The following MPHOSPH8 variants were observed in gnomAD, a reference collection of about 807,000 sequenced individuals.
MPHOSPH8 encodes the protein M-phase phosphoprotein 8.
In MPHOSPH8, 45 loss-of-function variants were observed where a neutral mutation model predicts 87.3. The ratio of observed to expected loss-of-function variants is 0.52; its 90% CI spans 0.41 to 0.66. MPHOSPH8 has a LOEUF of 0.66. Among genes scored for constraint, MPHOSPH8 ranks in the 30% least tolerant of loss-of-function variants. The probability of loss-of-function intolerance (pLI) is 0.00; values close to 1 mark genes in which losing one functional copy is unlikely to be tolerated. For synonymous variants in MPHOSPH8, 366 were observed against 376.9 expected (o/e 0.97, Z 0.33); for missense variants, 883 against 1,020.2 (o/e 0.87, Z 1.83).
At chr13:19,639,750 T>G (rs1414484377) in intron 1 of MPHOSPH8, among the ~76,000 whole-genome samples, 2 of 152,152 alleles carry the variant, frequency 1.3e-5, no homozygotes, top group African/African-American at 4.8e-5. Flanking sequence ...TTTTAAAAAC[T>G]GAGGTCCCCA....
intron 5 of MPHOSPH8, among the ~76,000 whole-genome samples, chr13:19,657,679 G>T (rs1351189527): frequency 6.6e-6 from 1 of 152,208 alleles, no homozygotes; most frequent in African/African-American, 2.4e-5. Flanking sequence ...CACAATCTGA[G>T]CTGCAGCTCA....
Position 19,668,494 on chromosome 13 carries a change from A to C in MPHOSPH8, c.2292A>C (p.Thr764=), listed in dbSNP as rs775011925. 10 of 1,614,072 alleles carry C rather than the reference A, an allele frequency of 6.2e-6. No homozygotes were observed. Among genetic ancestry groups the C allele is most frequent in the Non-Finnish European group, 6.8e-6 (8 of 1,180,042 alleles). ...TCTGTGAGGGTCCAGATTTTTCAAC[A>C]GATTTCAATTACAAACCCCCACAGA... The part of the protein sequence containing the change: ...HRLCEGPDFS[T]DFNYKPPQNI... Residue 764 remains threonine, a synonymous_variant, in exon 11 of 14, where the codon ACA becomes ACC. Coordinates refer to ENST00000361479, the MANE Select transcript of MPHOSPH8 (RefSeq NM_017520.4).
Position 19,647,045 on chromosome 13 carries a change from C to G in MPHOSPH8, c.972C>G (p.Thr324=). ...LDSAMSAEED[T]DVRGRRKKKT... ...GTGCCATGAGTGCTGAGGAGGATAC[C>G]GATGTCAGAGGCAGGAGGAAAAAGA... The change falls in exon 3 of 14, where the codon ACC becomes ACG. Residue 324 remains threonine, a synonymous_variant. Transcript: ENST00000361479. 6.2e-7 allele frequency: 1 copy of G among 1,606,710 alleles called. No homozygotes were observed. Among genetic ancestry groups the G allele is most frequent in the Non-Finnish European group, 8.5e-7 (1 of 1,178,154 alleles).
intron 12 of MPHOSPH8, 188 bp from the exon 13 acceptor site, chr13:19,671,017 CA>C (rs1160320199): frequency 7.6e-7 from 1 of 1,316,836 alleles, no homozygotes; most frequent in African/African-American, 1.5e-5. Context: ...GATGGGGTTT[CA>C]CCATGTTGGC....
intron 1 of MPHOSPH8, among the ~76,000 whole-genome samples, chr13:19,638,834 G>A (rs1343149993): frequency 6.6e-6 from 1 of 151,972 alleles, no homozygotes; most frequent in African/African-American, 2.4e-5. Flanking sequence ...CAAGTGTTAA[G>A]TGTGTAGCTA....
intron 1 of MPHOSPH8, among the ~76,000 whole-genome samples, chr13:19,641,535 A>G (rs1209518032): frequency 7.7e-6 from 1 of 129,994 alleles, no homozygotes; most frequent in Admixed American, 8.2e-5. Context: ...TTGTTGCTCA[A>G]GCTGGAGTGC....
At position 19,646,698 on chromosome 13, in the gene MPHOSPH8, G is replaced by T. The variant is rs1186987225; in HGVS notation, c.625G>T (p.Glu209Ter). Residue 209 changes from glutamate (E) to a stop codon, truncating the protein, a stop_gained, in exon 3 of 14, where the codon GAA becomes TAA. Transcript: ENST00000361479. LOFTEE classifies it high-confidence loss of function. ...TKKRISEAKE[E>*]LKESKKPKKD... ...GAAAAGAATTTCTGAAGCCAAAGAA[G>T]AACTAAAGGAGTCCAAAAAGCCCAA... is the stretch of plus-strand genomic sequence containing the variant. 1 of 1,591,450 alleles carries T rather than the reference G, an allele frequency of 6.3e-7. No homozygotes were observed. The highest frequency in any genetic ancestry group is 1.9e-5 in the Admixed American group (1 of 53,262).
chr13:19,635,536 T>A (rs796720956), intron 1 of MPHOSPH8, among the ~76,000 whole-genome samples: 10 of 152,012 alleles, frequency 6.6e-5, no homozygotes, highest in Middle Eastern at 3.4e-3. Context: ...TCAAAAAAAA[T>A]AATAATAATT....
At chr13:19,661,893 G>A (rs1229596122) in intron 8 of MPHOSPH8, 55 bp downstream of exon 8, 1 of 1,533,302 alleles carries the variant, frequency 6.5e-7, no homozygotes. Flanking sequence ...CCTGCCGATG[G>A]ACTGAGAGGA....
chr13:19,659,785 T>C, intron 7 of MPHOSPH8: 1 of 290,042 alleles, frequency 3.4e-6, no homozygotes, highest in Non-Finnish European at 7.0e-6. Flanking sequence ...ATGGTTTGGT[T>C]TGGTTATGGT....
intron 5 of MPHOSPH8, among the ~76,000 whole-genome samples, chr13:19,651,109 A>G (rs1020824077): frequency 2.6e-5 from 4 of 152,256 alleles, no homozygotes; most frequent in African/African-American, 4.8e-5. Flanking sequence ...CTGGTTTTCT[A>G]TAAAATAAGC....
chr13:19,659,242 G>A lies in MPHOSPH8; in HGVS notation c.1744G>A (p.Val582Ile), dbSNP rs1205648446. ...TGTGAAAAATGGGGATTATATTACT[G>A]TAAAAGTTGCACTTAATTCAAATGA... ...DAVKNGDYITVKVALNSNEEY... is the reference protein window; with the variant it reads ...DAVKNGDYITIKVALNSNEEY... The change falls in exon 7 of 14, where the codon GTA becomes ATA. Residue 582 changes from valine (V) to isoleucine (I), a missense_variant. Val to Ile is a conservative substitution (Grantham distance 29, BLOSUM62 3). This residue lies in a region of MPHOSPH8 where 741 missense variants were observed against 841.5 expected (regional missense o/e 0.88). Coordinates refer to ENST00000361479, the MANE Select transcript of MPHOSPH8 (RefSeq NM_017520.4). The A allele has an allele frequency of 4.3e-6, 7 of 1,612,352 alleles. No homozygotes were observed. Among genetic ancestry groups the A allele is most frequent in the Non-Finnish European group, 5.9e-6 (7 of 1,179,590 alleles).
At chr13:19,640,304 C>T (rs1874220353) in intron 1 of MPHOSPH8, among the ~76,000 whole-genome samples, 1 of 152,152 alleles carries the variant, frequency 6.6e-6, no homozygotes, top group South Asian at 2.1e-4. Flanking sequence ...AAGATTTAGA[C>T]AGCGCATGGC....
chr13:19,637,420 A>G (rs1874064804), intron 1 of MPHOSPH8, among the ~76,000 whole-genome samples: 1 of 152,036 alleles, frequency 6.6e-6, no homozygotes, highest in South Asian at 2.1e-4. Context: ...TTTTCTGTTT[A>G]TGTACATTTT....
chr13:19,661,970 C>G (rs1875559737), intron 8 of MPHOSPH8, 132 bp downstream of exon 8: 2 of 1,190,000 alleles, frequency 1.7e-6, no homozygotes, highest in Non-Finnish European at 2.2e-6. Context: ...TAGACGGAGT[C>G]TCGCTCTGTC....
chr13:19,641,422 A>C (rs1254131763), intron 1 of MPHOSPH8, among the ~76,000 whole-genome samples: 1 of 150,168 alleles, frequency 6.7e-6, no homozygotes, highest in Non-Finnish European at 1.5e-5. Context: ...TCCTGGATAC[A>C]AGCGATTCTC....
At chr13:19,637,399 T>G (rs1032637525) in intron 1 of MPHOSPH8, among the ~76,000 whole-genome samples, 1 of 152,168 alleles carries the variant, frequency 6.6e-6, no homozygotes, top group Non-Finnish European at 1.5e-5. Context: ...TGTTAATCAT[T>G]TATTTATCTT....
At chr13:19,659,385 T>C in intron 7 of MPHOSPH8, 96 bp downstream of exon 7, 2 of 1,024,236 alleles carry the variant, frequency 2.0e-6, no homozygotes, top group Non-Finnish European at 2.9e-6. Flanking sequence ...TACAAAAGGC[T>C]GGGCGTGGTG....
intron 1 of MPHOSPH8, among the ~76,000 whole-genome samples, chr13:19,640,398 G>A (rs1874224787): frequency 6.6e-6 from 1 of 152,142 alleles, no homozygotes; most frequent in African/African-American, 2.4e-5. Context: ...AGATCACAAG[G>A]TGAGCAAAAA....
Sources: gnomAD v4.1 joint callset for allele counts (sites outside exome capture counted in the v4.1 genomes callset) on GRCh38, gnomAD v4.1.1 for gene constraint, gnomAD v4.1.1 regional missense constraint, MANE v1.5 for transcripts, NCBI Gene and HGNC (gene_info 2026-07-23, HGNC 2026-07-21) for gene names.